The following PPBP variants were observed in gnomAD, a reference collection of about 807,000 sequenced individuals.
The protein encoded by PPBP is platelet basic protein.
PPBP carries 8 observed loss-of-function variants against 8.3 expected under a neutral mutation model. The ratio of observed to expected loss-of-function variants is 0.97; its 90% CI spans 0.57 to 1.75. The LOEUF is 1.75. Ranked by LOEUF, PPBP falls within the 40% of genes most tolerant of loss-of-function variation. The pLI, the probability that PPBP is intolerant of heterozygous loss-of-function variation, is 0.00. For synonymous variants in PPBP, 64 were observed against 58.9 expected (o/e 1.09, Z -0.40); for missense variants, 169 against 149.2 (o/e 1.13, Z -0.69).
rs769642041 is a variant in PPBP at position 73,988,070 on chromosome 4, T to C, written c.34A>G (p.Asn12Asp). 1.9e-6 allele frequency: 3 copies of C among 1,613,940 alleles called. No individual in the cohort carries two copies. The Admixed American group carries it at 5.0e-5, about 27-fold the overall frequency. ...AAGGCATGAAGTGGTCTCGCACTGT[T>C]ACAGGAAGGGGTGGTATCAAGTCTG... is the stretch of plus-strand genomic sequence containing the variant. Reference protein sequence around the residue: ...SLRLDTTPSCNSARPLHALQV... With the variant: ...SLRLDTTPSCDSARPLHALQV... Residue 12 changes from asparagine to aspartate, a missense_variant, in exon 1 of 3, where the codon AAC becomes GAC. By Grantham distance (23) the Asn-to-Asp change is conservative. Transcript: ENST00000296028.
In PPBP at chr4:73,987,646, C is replaced by T; in HGVS notation, c.155G>A (p.Ser52Asn). The T allele has an allele frequency of 6.2e-7, 1 of 1,610,956 alleles. No homozygotes were observed. ...TTCAGCATACAAGTCACTGTCTAGACTTTCCTCTAGGGTAGAAAATGTGAC... is the reference window on the plus strand; with the variant it reads ...TTCAGCATACAAGTCACTGTCTAGATTTTCCTCTAGGGTAGAAAATGTGAC... ...KRNLAKGKEESLDSDLYAELR... is the reference protein window; with the variant it reads ...KRNLAKGKEENLDSDLYAELR... Residue 52 changes from serine (S) to asparagine (N), a missense_variant, in exon 2 of 3, where the codon AGT becomes AAT. Ser to Asn is a conservative substitution (Grantham distance 46). Transcript: ENST00000296028.
In PPBP at chr4:73,987,391, G is replaced by C; in HGVS notation, c.285-17C>G. 2 of 1,609,466 alleles carry C rather than the reference G, an allele frequency of 1.2e-6. No homozygotes were observed. The highest frequency in any genetic ancestry group is 8.5e-7 in the Non-Finnish European group (1 of 1,175,874). The stretch of plus-strand genomic sequence containing the variant: ...AGTGTGGCTCTGCAAAAGAGAACAG[G>C]GTTATCTGTGGGTGTCCTGATCTGA... On this transcript the variant is annotated splice_polypyrimidine_tract_variant and intron_variant, in intron 2 of 2. Coordinates refer to ENST00000296028, the MANE Select transcript of PPBP (RefSeq NM_002704.3).
At chr4:73,987,685 T>C (rs376737679) in intron 1 of PPBP, 33 bp from the exon 2 acceptor site, 59 of 1,599,190 alleles carry the variant, frequency 3.7e-5, no homozygotes, top group Middle Eastern at 3.3e-4. Context: ...TTGGTGGTCA[T>C]GAATATTTTC....
chr4:73,987,843 T>C, intron 1 of PPBP, 113 bp downstream of exon 1: 1 of 1,511,254 alleles, frequency 6.6e-7, no homozygotes, highest in Non-Finnish European at 9.1e-7. Flanking sequence ...TCTCCTCCAA[T>C]TGGAGTTATT....
At chr4:73,987,845 G>A in intron 1 of PPBP, 111 bp downstream of exon 1, 1 of 1,511,722 alleles carries the variant, frequency 6.6e-7, no homozygotes, top group Non-Finnish European at 9.1e-7. Context: ...TCCTCCAATT[G>A]GAGTTATTGG....
chr4:73,988,025 A>T lies in PPBP; in HGVS notation c.79T>A (p.Ser27Thr). ...GAAGCCAGAGCAGTCAGCAGCAATGACAGAAGCAGCAGCACCTGCAAGGCA... is the reference window on the plus strand; with the variant it reads ...GAAGCCAGAGCAGTCAGCAGCAATGTCAGAAGCAGCAGCACCTGCAAGGCA... ...LHALQVLLLL[S>T]LLLTALASST... is the part of the protein sequence containing the mutation. Residue 27 changes from serine (S) to threonine (T), a missense_variant, in exon 1 of 3, where the codon TCA (serine) becomes ACA (threonine). Physicochemically the swap from Ser to Thr is moderately conservative, Grantham distance 58. Coordinates refer to ENST00000296028, the MANE Select transcript of PPBP (RefSeq NM_002704.3). 6.2e-7 allele frequency: 1 copy of T among 1,614,074 alleles called. No homozygotes were observed. The highest frequency in any genetic ancestry group is 8.5e-7 in the Non-Finnish European group (1 of 1,179,976).
chr4:73,988,024 G>A lies in PPBP; in HGVS notation c.80C>T (p.Ser27Leu), dbSNP rs267600255. 5 of 1,613,966 alleles carry A rather than the reference G, an allele frequency of 3.1e-6. No homozygotes were observed. The East Asian group carries it at 1.1e-4, about 36-fold the overall frequency. ...GGAAGCCAGAGCAGTCAGCAGCAAT[G>A]ACAGAAGCAGCAGCACCTGCAAGGC... ...LHALQVLLLL[S>L]LLLTALASST... The change falls in exon 1 of 3, where the codon TCA (serine) becomes TTA (leucine). Residue 27 changes from serine (S) to leucine (L), a missense_variant. Physicochemically the swap from Ser to Leu is moderately radical, Grantham distance 145. Transcript: ENST00000296028.
rs774274246 is a variant in PPBP at position 73,987,617 on chromosome 4, G to A, written c.184C>T (p.Arg62Cys). The A allele has an allele frequency of 3.2e-5, 52 of 1,613,816 alleles. No individual in the cohort carries two copies. Among genetic ancestry groups the A allele is most frequent in the African/African-American group, 1.7e-4 (13 of 75,004 alleles). The stretch of plus-strand genomic sequence containing the variant: ...GAGGTTGTCTTTATACACATGCAGC[G>A]GAGTTCAGCATACAAGTCACTGTCT... ...SLDSDLYAEL[R>C]CMCIKTTSGI... is the part of the protein sequence containing the mutation. Residue 62 changes from arginine to cysteine, a missense_variant, in exon 2 of 3, where the codon CGC becomes TGC. Coordinates refer to ENST00000296028, the MANE Select transcript of PPBP (RefSeq NM_002704.3).
chr4:73,988,054 A>G lies in PPBP; in HGVS notation c.50T>C (p.Leu17Pro), dbSNP rs757864218. ...AAGCAGCAGCACCTGCAAGGCATGAAGTGGTCTCGCACTGTTACAGGAAGG... is the reference window on the plus strand; with the variant it reads ...AAGCAGCAGCACCTGCAAGGCATGAGGTGGTCTCGCACTGTTACAGGAAGG... ...TTPSCNSARP[L>P]HALQVLLLLS... The change falls in exon 1 of 3, where the codon CTT becomes CCT. Residue 17 changes from leucine (L) to proline (P), a missense_variant. Physicochemically the swap from Leu to Pro is moderately conservative, Grantham distance 98 (BLOSUM62 -3). Transcript: ENST00000296028. 7 of 1,614,034 alleles carry G rather than the reference A, an allele frequency of 4.3e-6. No individual in the cohort carries two copies. In the East Asian group the frequency reaches 1.3e-4, roughly 31 times the overall value.
In PPBP at chr4:73,987,183, A is replaced by T; in HGVS notation, c.*89T>A. 8.9e-7 allele frequency: 1 copy of T among 1,127,342 alleles called. No individual in the cohort carries two copies. Among genetic ancestry groups the T allele is most frequent in the Non-Finnish European group, 1.3e-6 (1 of 756,838 alleles). The allele number at this position is 1,127,342 out of a possible 1,614,324, so 69.8% of individuals were successfully genotyped here. A position where few individuals can be genotyped will look rare whatever the true frequency, so the allele number is the denominator to read the frequency against. ...AAATTTTAATACAGTAAGAATAGGTATCCTGAATAAATGAGAACTCTAGAA... is the reference window on the plus strand; with the variant it reads ...AAATTTTAATACAGTAAGAATAGGTTTCCTGAATAAATGAGAACTCTAGAA... On this transcript the variant is annotated 3_prime_UTR_variant, in exon 3 of 3. Coordinates refer to ENST00000296028, the MANE Select transcript of PPBP (RefSeq NM_002704.3).
At chr4:73,987,916 A>G in intron 1 of PPBP, 40 bp downstream of exon 1, 3 of 1,613,374 alleles carry the variant, frequency 1.9e-6, no homozygotes, top group South Asian at 2.2e-5. Flanking sequence ...AGACAGGTGT[A>G]GCAGAAGCAG....
At position 73,987,551 on chromosome 4, in the gene PPBP, C is replaced by T. The variant is rs753998004; in HGVS notation, c.250G>A (p.Gly84Arg). Residue 84 changes from glycine (G) to arginine (R), a missense_variant, in exon 2 of 3, where the codon GGG (glycine) becomes AGG (arginine). Coordinates refer to ENST00000296028, the MANE Select transcript of PPBP (RefSeq NM_002704.3). The part of the protein sequence containing the change: ...PKNIQSLEVI[G>R]KGTHCNQVEV... Reference sequence around the variant, plus strand: ...ACTTGGTTGCAATGGGTTCCTTTCCCGATCACTTCCAAACTTTGGATGTTT... The same window carrying T: ...ACTTGGTTGCAATGGGTTCCTTTCCTGATCACTTCCAAACTTTGGATGTTT... 28 of 1,613,968 alleles carry T rather than the reference C, an allele frequency of 1.7e-5. No homozygotes were observed. The highest frequency in any genetic ancestry group is 1.5e-4 in the South Asian group (14 of 91,090).
At chr4:73,987,913 T>C (rs1719007773) in intron 1 of PPBP, 43 bp downstream of exon 1, 2 of 1,613,078 alleles carry the variant, frequency 1.2e-6, no homozygotes, top group South Asian at 1.1e-5. Flanking sequence ...CAGAGACAGG[T>C]GTAGCAGAAG....
In PPBP at chr4:73,987,408, C is replaced by T. The variant is rs370008047; in HGVS notation, c.285-34G>A. 2.1e-4 allele frequency: 332 copies of T among 1,608,302 alleles called. No homozygotes were observed. The African/African-American group carries it at 3.9e-3, about 19-fold the overall frequency. ...GAGAACAGGGTTATCTGTGGGTGTCCTGATCTGAATATCAGAACTAATCCA... is the reference window on the plus strand; with the variant it reads ...GAGAACAGGGTTATCTGTGGGTGTCTTGATCTGAATATCAGAACTAATCCA... On this transcript the variant is annotated intron_variant, in intron 2 of 2. Transcript: ENST00000296028.
At position 73,987,116 on chromosome 4, in the gene PPBP, A is replaced by G; in HGVS notation, c.*156T>C. On this transcript the variant is annotated 3_prime_UTR_variant, in exon 3 of 3. Coordinates refer to ENST00000296028, the MANE Select transcript of PPBP (RefSeq NM_002704.3). ...CTGCCATCTTTTAACCAACCTTCTC[A>G]GAATAAAATGTGATTTTTGAGACAG... 2.9e-6 allele frequency: 2 copies of G among 692,604 alleles called. No individual in the cohort carries two copies. Among genetic ancestry groups the G allele is most frequent in the Non-Finnish European group, 4.8e-6 (2 of 412,816 alleles). 42.9% of individuals were successfully genotyped at this position (692,604 alleles called of 1,614,324 possible). A position where few individuals can be genotyped will look rare whatever the true frequency, so the allele number is the denominator to read the frequency against.
rs748408619 is a variant in PPBP, at chr4:73,988,081, G to T, written c.23C>A (p.Thr8Asn). 3.7e-6 allele frequency: 6 copies of T among 1,613,952 alleles called. No homozygotes were observed. In the Admixed American group the frequency reaches 5.0e-5, roughly 13 times the overall value. Residue 8 changes from threonine (T) to asparagine (N), a missense_variant, in exon 1 of 3, where the codon ACC becomes AAC. Coordinates refer to ENST00000296028, the MANE Select transcript of PPBP (RefSeq NM_002704.3). ...TGGTCTCGCACTGTTACAGGAAGGG[G>T]TGGTATCAAGTCTGAGGCTCATGGT... is the stretch of plus-strand genomic sequence containing the variant. MSLRLDT[T>N]PSCNSARPLH...
chr4:73,986,583 T>C lies in PPBP; in HGVS notation c.*689A>G, dbSNP rs1718974151. On this transcript the variant is annotated 3_prime_UTR_variant, in exon 3 of 3. Coordinates refer to ENST00000296028, the MANE Select transcript of PPBP (RefSeq NM_002704.3). ...AGTCTAGTAAGGTTGAAGTCCTATA[T>C]TGTACTTATTTATAAGGCTCATTCT... Among the ~76,000 whole-genome samples the C allele has an allele frequency of 6.6e-6, 1 of 152,268 alleles. No homozygotes were observed. The highest frequency in any genetic ancestry group is 1.9e-4 in the East Asian group (1 of 5,188).
Position 73,987,600 on chromosome 4 carries a change from C to T in PPBP, c.201G>A (p.Lys67=), listed in dbSNP as rs1719000169. The T allele has an allele frequency of 6.2e-7, 1 of 1,614,036 alleles. No individual in the cohort carries two copies. The highest frequency in any genetic ancestry group is 8.5e-7 in the Non-Finnish European group (1 of 1,179,948). ...TTTTGGGATGAATTCCAGAGGTTGT[C>T]TTTATACACATGCAGCGGAGTTCAG... ...LYAELRCMCI[K]TTSGIHPKNI... Residue 67 remains lysine (K), a synonymous_variant, in exon 2 of 3, where the codon AAG becomes AAA. Coordinates refer to ENST00000296028, the MANE Select transcript of PPBP (RefSeq NM_002704.3).
Position 73,987,193 on chromosome 4 carries a change from A to C in PPBP, c.*79T>G. On this transcript the variant is annotated 3_prime_UTR_variant, in exon 3 of 3. Transcript: ENST00000296028. Reference sequence around the variant, plus strand: ...ACAGTAAGAATAGGTATCCTGAATAAATGAGAACTCTAGAAAATCAAGGTT... The same window carrying C: ...ACAGTAAGAATAGGTATCCTGAATACATGAGAACTCTAGAAAATCAAGGTT... 7.9e-7 allele frequency: 1 copy of C among 1,266,388 alleles called. No homozygotes were observed. Among genetic ancestry groups the C allele is most frequent in the South Asian group, 1.2e-5 (1 of 81,286 alleles). The allele number at this position is 1,266,388 out of a possible 1,614,324, so 78.4% of individuals were successfully genotyped here.
Sources: gnomAD v4.1 joint callset for allele counts (sites outside exome capture counted in the v4.1 genomes callset) on GRCh38, gnomAD v4.1.1 for gene constraint, MANE v1.5 for transcripts, NCBI Gene and HGNC (gene_info 2026-07-23, HGNC 2026-07-21) for gene names.